The following AFF2 variants were observed in gnomAD, a reference collection of about 807,000 sequenced individuals.
AFF2 encodes ALF transcription elongation factor 2.
A neutral mutation model predicts 76.9 loss-of-function variants in AFF2; 14 were observed. The ratio of observed to expected loss-of-function variants is 0.18; its 90% CI spans 0.12 to 0.28. The LOEUF is 0.28. Among genes scored for constraint, AFF2 ranks in the 10% least tolerant of loss-of-function variants. The probability of loss-of-function intolerance (pLI) is 1.00; values close to 1 mark genes in which losing one functional copy is unlikely to be tolerated. For synonymous variants in AFF2, 398 were observed against 366.7 expected (o/e 1.09, Z -0.98); for missense variants, 868 against 1,001.1 (o/e 0.87, Z 1.79).
chrX:148,804,877 G>C (rs930018215), intron 3 of AFF2, among the ~76,000 whole-genome samples: 2 of 112,126 alleles, frequency 1.8e-5, no homozygotes, highest in Non-Finnish European at 3.8e-5. Flanking sequence ...AGATCCTAAT[G>C]TGAACTGAGT....
At chrX:148,869,563 A>G (rs148957890) in intron 7 of AFF2, among the ~76,000 whole-genome samples, 1 of 111,845 alleles carries the variant, frequency 8.9e-6, no homozygotes, top group African/African-American at 3.2e-5. Context: ...CAGGAGCTCA[A>G]AAGAGCGTTA....
At chrX:148,766,109 T>G (rs1216001847) in intron 3 of AFF2, among the ~76,000 whole-genome samples, 3 of 110,972 alleles carry the variant, frequency 2.7e-5, no homozygotes, top group Admixed American at 9.6e-5. Context: ...TATCATTGTT[T>G]GACATTTGGG....
At chrX:148,791,709 T>C (rs1027247094) in intron 3 of AFF2, among the ~76,000 whole-genome samples, 2 of 112,321 alleles carry the variant, frequency 1.8e-5, no homozygotes, top group Admixed American at 1.9e-4. Flanking sequence ...TTTTATAAAA[T>C]AGCCAATTGA....
chrX:148,526,646 C>T (rs1557235250), intron 1 of AFF2, among the ~76,000 whole-genome samples: 1 of 110,775 alleles, frequency 9.0e-6, no homozygotes, highest in African/African-American at 3.3e-5. Context: ...TACCGGAGTG[C>T]CATTATTTCT....
intron 5 of AFF2, among the ~76,000 whole-genome samples, chrX:148,839,564 G>C (rs1292420661): frequency 9.0e-6 from 1 of 111,481 alleles, no homozygotes; most frequent in African/African-American, 3.3e-5. Context: ...AGGTGTTCCT[G>C]GCACCAGCGG....
chrX:148,606,076 T>C (rs2053669854), intron 1 of AFF2, among the ~76,000 whole-genome samples: 1 of 112,733 alleles, frequency 8.9e-6, no homozygotes, highest in South Asian at 3.6e-4. Flanking sequence ...ATAACTACAA[T>C]ATTACTTCTG....
At chrX:148,949,449 C>T (rs1557286398) in intron 9 of AFF2, among the ~76,000 whole-genome samples, 1 of 111,946 alleles carries the variant, frequency 8.9e-6, no homozygotes, top group Non-Finnish European at 1.9e-5. Flanking sequence ...TGGATTCCCC[C>T]ACTAGGGTCA....
chrX:148,825,301 G>A (rs1236087270), intron 4 of AFF2, among the ~76,000 whole-genome samples: 1 of 111,415 alleles, frequency 9.0e-6, no homozygotes, highest in African/African-American at 3.3e-5. Context: ...TCTGACCTAT[G>A]AAATGAGAAC....
intron 9 of AFF2, among the ~76,000 whole-genome samples, chrX:148,918,150 A>G (rs1358068871): frequency 1.8e-5 from 2 of 112,276 alleles, no homozygotes; most frequent in African/African-American, 6.5e-5. Flanking sequence ...TTGAGCTCCC[A>G]ATCTTTCTGT....
At chrX:148,665,930 G>A (rs1346898918) in intron 3 of AFF2, among the ~76,000 whole-genome samples, 1 of 111,942 alleles carries the variant, frequency 8.9e-6, no homozygotes, top group African/African-American at 3.3e-5. Flanking sequence ...TGGCTTTAGT[G>A]ACAGGAGGTT....
At chrX:148,699,979 T>C (rs181304717) in intron 3 of AFF2, among the ~76,000 whole-genome samples, 3 of 112,092 alleles carry the variant, frequency 2.7e-5, no homozygotes, top group African/African-American at 9.7e-5. Flanking sequence ...ACCTGAAGGT[T>C]ACATATCGTT....
intron 3 of AFF2, among the ~76,000 whole-genome samples, chrX:148,717,040 T>A (rs2055031603): frequency 8.9e-6 from 1 of 112,253 alleles, no homozygotes; most frequent in Admixed American, 9.4e-5. Context: ...ATCATATAAC[T>A]CAACAGTTGC....
intron 3 of AFF2, among the ~76,000 whole-genome samples, chrX:148,745,346 C>T (rs2055407968): frequency 8.9e-6 from 1 of 111,834 alleles, no homozygotes; most frequent in Non-Finnish European, 1.9e-5. Flanking sequence ...AATGCAGCTC[C>T]ACAGGCAGTG....
At chrX:148,880,498 C>T (rs1487845341) in intron 7 of AFF2, among the ~76,000 whole-genome samples, 3 of 111,483 alleles carry the variant, frequency 2.7e-5, no homozygotes, top group Non-Finnish European at 3.8e-5. Context: ...AGAAGAGGGA[C>T]CAGAGTAAGA....
intron 7 of AFF2, among the ~76,000 whole-genome samples, chrX:148,875,506 G>A (rs2071026342): frequency 9.0e-6 from 1 of 111,708 alleles, no homozygotes; most frequent in African/African-American, 3.2e-5. Flanking sequence ...TAGTCTGTTT[G>A]TGTTCCTTCT....
intron 1 of AFF2, among the ~76,000 whole-genome samples, chrX:148,622,664 T>A (rs1220454772): frequency 1.8e-5 from 2 of 111,525 alleles, no homozygotes; most frequent in Non-Finnish European, 3.8e-5. Flanking sequence ...ACAGGCTCAG[T>A]TTCTATGCTC....
At chrX:148,738,510 C>T (rs1162366582) in intron 3 of AFF2, among the ~76,000 whole-genome samples, 1 of 111,761 alleles carries the variant, frequency 8.9e-6, no homozygotes, top group Non-Finnish European at 1.9e-5. Context: ...TTTCTCTCTT[C>T]TTTTCTTGGT....
At chrX:148,704,589 C>T (rs890309175) in intron 3 of AFF2, among the ~76,000 whole-genome samples, 15 of 103,119 alleles carry the variant, frequency 1.5e-4, no homozygotes, top group African/African-American at 4.6e-4. Context: ...TGCAGTGGCA[C>T]GATCTCAGCT....
intron 1 of AFF2, among the ~76,000 whole-genome samples, chrX:148,577,321 C>T (rs1361779729): frequency 8.9e-6 from 1 of 112,277 alleles, no homozygotes. Context: ...GCGCACAAGT[C>T]AACCAGGCAA....
Sources: gnomAD v4.1 joint callset for allele counts (sites outside exome capture counted in the v4.1 genomes callset) on GRCh38, gnomAD v4.1.1 for gene constraint, MANE v1.5 for transcripts, NCBI Gene and HGNC (gene_info 2026-07-23, HGNC 2026-07-21) for gene names.